VPS26A: variants seen among roughly 807,000 people sequenced by gnomAD.
The protein encoded by VPS26A is vacuolar protein sorting-associated protein 26A.
A neutral mutation model predicts 42.4 loss-of-function variants in VPS26A; 22 were observed. The observed-to-expected ratio is 0.52, with a 90% CI of 0.37 to 0.74. The LOEUF (loss-of-function observed/expected upper bound fraction) is 0.74, where lower values mean the gene tolerates loss of function less well. Among genes scored for constraint, VPS26A ranks in the 30% least tolerant of loss-of-function variants. The pLI, the probability that VPS26A is intolerant of heterozygous loss-of-function variation, is 0.00. For synonymous variants in VPS26A, 110 were observed against 123.5 expected (o/e 0.89, Z 0.73); for missense variants, 276 against 379.2 (o/e 0.73, Z 2.26).
At chr10:69,163,766 C>CT (rs869154106) in intron 6 of VPS26A, among the ~76,000 whole-genome samples, 3,897 of 133,566 alleles carry the variant, frequency 0.029, 137 homozygotes, top group African/African-American at 0.08. Flanking sequence ...TTTCAGTTTT[C>CT]TTTTTTTTTT....
At chr10:69,170,434 A>C (rs1841791058) in intron 8 of VPS26A, 1 of 152,198 alleles carries the variant, frequency 6.6e-6, no homozygotes. Context: ...TGGGGAAAAA[A>C]AAAAGCCTAT....
Position 69,171,219 on chromosome 10 carries a change from C to T in VPS26A, c.934C>T (p.Arg312Ter), listed in dbSNP as rs552011189. 2.8e-5 allele frequency: 45 copies of T among 1,613,756 alleles called. No individual in the cohort carries two copies. The East Asian group carries it at 6.9e-4, about 25-fold the overall frequency. Residue 312 changes from arginine to a stop codon, truncating the protein, a stop_gained, in exon 9 of 9, where the codon CGA (arginine) becomes TGA (stop). Coordinates refer to ENST00000263559, the MANE Select transcript of VPS26A (RefSeq NM_004896.5). LOFTEE classifies it high-confidence loss of function. ...GAAACAGAGAACAAACTTTCACCAG[C>T]GATTTGAATCTCCAGAATCACAGGC... ...LRKQRTNFHQ[R>*]FESPESQASA...
intron 1 of VPS26A, among the ~76,000 whole-genome samples, chr10:69,129,616 C>T (rs988900793): frequency 3.3e-5 from 5 of 151,592 alleles, no homozygotes; most frequent in Non-Finnish European, 7.4e-5. Context: ...GGCGCGATCT[C>T]GGCTCACTGC....
chr10:69,168,383 A>G (rs1564688949), intron 7 of VPS26A, 106 bp from the exon 8 acceptor site: 4 of 1,227,222 alleles, frequency 3.3e-6, no homozygotes, highest in Non-Finnish European at 3.4e-6. Context: ...TTTGCATCTC[A>G]TGAGGATGTG....
At chr10:69,129,269 T>C (rs1466600566) in intron 1 of VPS26A, among the ~76,000 whole-genome samples, 1 of 152,170 alleles carries the variant, frequency 6.6e-6, no homozygotes, top group African/African-American at 2.4e-5. Flanking sequence ...TTAGTAAATG[T>C]GAGCTGCATG....
intron 2 of VPS26A, chr10:69,133,569 C>G (rs1199099377): frequency 7.8e-7 from 1 of 1,289,632 alleles, no homozygotes; most frequent in Non-Finnish European, 1.0e-6. Context: ...TGGGATGTGT[C>G]TATGCATGGT....
chr10:69,143,025 C>G (rs1841078280), intron 2 of VPS26A, among the ~76,000 whole-genome samples: 1 of 152,122 alleles, frequency 6.6e-6, no homozygotes, highest in African/African-American at 2.4e-5. Context: ...TTCAGGTAAA[C>G]TTAATATTGG....
At chr10:69,127,350 A>G (rs1025166780) in intron 1 of VPS26A, among the ~76,000 whole-genome samples, 3 of 151,076 alleles carry the variant, frequency 2.0e-5, no homozygotes, top group Admixed American at 6.6e-5. Context: ...TCAGGAGATC[A>G]AGAGCATCCT....
In VPS26A at chr10:69,174,244, T is replaced by A. The variant is rs1471139884; in HGVS notation, c.*2975T>A. 6.6e-6 allele frequency among the ~76,000 whole-genome samples: 1 copy of A among 152,002 alleles called. No homozygotes were observed. Among genetic ancestry groups the A allele is most frequent in the Non-Finnish European group, 1.5e-5 (1 of 68,002 alleles). On this transcript the variant is annotated 3_prime_UTR_variant, in exon 9 of 9. Transcript: ENST00000263559. ...TAAGTCAGCGAGACCGCAAACCCAC[T>A]GGAAGGAACCAACTCTGGACACACC...
chr10:69,160,137 CACACACACACACACACA>C, intron 5 of VPS26A, among the ~76,000 whole-genome samples: 1 of 45,066 alleles, frequency 2.2e-5, no homozygotes, highest in Admixed American at 3.0e-4. Context: ...TACACACACA[CACACACACACACACACA>C]CACACACACA....
intron 2 of VPS26A, among the ~76,000 whole-genome samples, chr10:69,146,732 G>A (rs1177085308): frequency 6.6e-6 from 1 of 152,182 alleles, no homozygotes; most frequent in Admixed American, 6.5e-5. Flanking sequence ...GTTATTGCAT[G>A]TATGAGAACA....
chr10:69,155,572 T>C (rs150015808), intron 2 of VPS26A, among the ~76,000 whole-genome samples: 6 of 152,314 alleles, frequency 3.9e-5, no homozygotes, highest in Non-Finnish European at 8.8e-5. Context: ...TATTAAGGAT[T>C]CCTTCTTAAC....
At chr10:69,126,454 C>A (rs575629101) in intron 1 of VPS26A, among the ~76,000 whole-genome samples, 1 of 151,952 alleles carries the variant, frequency 6.6e-6, no homozygotes, top group Non-Finnish European at 1.5e-5. Flanking sequence ...GTAATCCCAG[C>A]TACTCAGGAG....
At chr10:69,161,468 A>G (rs1841561210) in intron 5 of VPS26A, 3 of 164,984 alleles carry the variant, frequency 1.8e-5, no homozygotes, top group Non-Finnish European at 2.6e-5. Context: ...AAAGAACACT[A>G]AACAATATGA....
At chr10:69,137,217 T>G (rs1234668734) in intron 2 of VPS26A, among the ~76,000 whole-genome samples, 1 of 152,248 alleles carries the variant, frequency 6.6e-6, no homozygotes, top group East Asian at 1.9e-4. Flanking sequence ...AATATTGCCC[T>G]ATTGAAGCTC....
chr10:69,162,186 C>T (rs746382117), intron 5 of VPS26A, among the ~76,000 whole-genome samples: 51 of 151,972 alleles, frequency 3.4e-4, no homozygotes, highest in Non-Finnish European at 5.0e-4. Flanking sequence ...GAGACAGTTT[C>T]GCCATGTTGG....
chr10:69,154,943 GAT>G (rs1841400762), intron 2 of VPS26A, among the ~76,000 whole-genome samples: 1 of 152,114 alleles, frequency 6.6e-6, no homozygotes, highest in Admixed American at 6.6e-5. Context: ...CCACTTGGCA[GAT>G]ATATGAGTTT....
intron 2 of VPS26A, among the ~76,000 whole-genome samples, chr10:69,146,708 C>G (rs1841168204): frequency 6.6e-6 from 1 of 152,138 alleles, no homozygotes; most frequent in African/African-American, 2.4e-5. Context: ...AGCATGTTTT[C>G]AGGGTTCATC....
At chr10:69,157,857 C>T (rs1304218939) in intron 4 of VPS26A, among the ~76,000 whole-genome samples, 190 bp from the exon 5 acceptor site, 1 of 152,084 alleles carries the variant, frequency 6.6e-6, no homozygotes, top group Non-Finnish European at 1.5e-5. Flanking sequence ...TAAAATTGAA[C>T]TTTGTATTTT....
Sources: allele counts gnomAD v4.1 joint callset (sites outside exome capture counted in the v4.1 genomes callset), GRCh38; gene constraint gnomAD v4.1.1; transcripts MANE v1.5; gene names NCBI Gene and HGNC (gene_info 2026-07-23, HGNC 2026-07-21).